Variants in CABIN1 observed in about 807,000 individuals in gnomAD.
The protein encoded by CABIN1 is calcineurin binding protein 1, also known as calcineurin-binding protein cabin-1.
Under a neutral mutation model 227.7 loss-of-function variants are expected in CABIN1, and 133 were observed. The ratio of observed to expected loss-of-function variants is 0.58; its 90% CI spans 0.51 to 0.67. The LOEUF is 0.67. Ranked by LOEUF, CABIN1 falls within the 30% of genes least tolerant of loss-of-function variation. The pLI is 0.00. For synonymous variants in CABIN1, 1,086 were observed against 1,155.1 expected (o/e 0.94, Z 1.21); for missense variants, 2,408 against 2,852.5 (o/e 0.84, Z 3.55).
intron 19 of CABIN1, among the ~76,000 whole-genome samples, chr22:24,078,828 C>G (rs935569081): frequency 2.0e-5 from 3 of 151,338 alleles, no homozygotes; most frequent in Non-Finnish European, 4.4e-5. Context: ...CTTCACTACC[C>G]TACCTCCCTC....
intron 19 of CABIN1, among the ~76,000 whole-genome samples, chr22:24,077,684 G>C (rs1396887734): frequency 6.6e-6 from 1 of 152,100 alleles, no homozygotes; most frequent in East Asian, 1.9e-4. Context: ...CCCTTTTTCT[G>C]CCTTCCCTCT....
chr22:24,134,567 C>A, intron 29 of CABIN1, 152 bp downstream of exon 29: 1 of 688,616 alleles, frequency 1.5e-6, no homozygotes. Flanking sequence ...CGAGAGTGAG[C>A]CAGACTCCGG....
intron 16 of CABIN1, among the ~76,000 whole-genome samples, chr22:24,070,365 G>A (rs1364292653): frequency 6.6e-6 from 1 of 152,240 alleles, no homozygotes; most frequent in East Asian, 1.9e-4. Context: ...CTTGGCTCAG[G>A]CCCTCCTCCG....
At chr22:24,012,230 A>G (rs1449174317) in intron 1 of CABIN1, among the ~76,000 whole-genome samples, 6 of 152,230 alleles carry the variant, frequency 3.9e-5, no homozygotes, top group African/African-American at 1.4e-4. Flanking sequence ...AAGACAATAC[A>G]TAACAGACTA....
chr22:24,087,659 C>T lies in CABIN1; in HGVS notation c.3471C>T (p.Ala1157=), dbSNP rs1602002559. 1 of 1,614,108 alleles carries T rather than the reference C, an allele frequency of 6.2e-7. No homozygotes were observed. The highest frequency in any genetic ancestry group is 1.7e-5 in the Admixed American group (1 of 60,010). ...TGTCCTATGCCTTGCACTCATTCGC[C>T]TCACGTCAATTGAAGCAGTGGAGAG... ...GTMSYALHSF[A]SRQLKQWRGE... The change falls in exon 23 of 37, where the codon GCC becomes GCT. Residue 1157 remains alanine, a synonymous_variant. Transcript: ENST00000263119.
At chr22:24,093,288 C>A (rs2041670550) in intron 24 of CABIN1, among the ~76,000 whole-genome samples, 1 of 152,172 alleles carries the variant, frequency 6.6e-6, no homozygotes, top group African/African-American at 2.4e-5. Context: ...TGGTGGCTCA[C>A]GCCTGTAATC....
In CABIN1 at chr22:24,098,025, G is replaced by A. The variant is rs1243352898; in HGVS notation, c.3950G>A (p.Cys1317Tyr). 1 of 1,614,208 alleles carries A rather than the reference G, an allele frequency of 6.2e-7. No homozygotes were observed. Among genetic ancestry groups the A allele is most frequent in the East Asian group, 2.2e-5 (1 of 44,880 alleles). ...CTCTGTTCCCACAGGGAGAAGGCCT[G>A]CCTGGTGGACGAGGACTCCCACTCT... ...TPKASEKEKA[C>Y]LVDEDSHSSA... Residue 1317 changes from cysteine (C) to tyrosine (Y), a missense_variant, in exon 26 of 37, where the codon TGC (cysteine) becomes TAC (tyrosine). Cys to Tyr is a radical substitution (Grantham distance 194). Coordinates refer to ENST00000263119, the MANE Select transcript of CABIN1 (RefSeq NM_012295.4).
Position 24,108,515 on chromosome 22 carries a change from G to T in CABIN1, c.4118-5051G>T, listed in dbSNP as rs117012840. On this transcript the variant is annotated intron_variant, in intron 26 of 36. Transcript: ENST00000263119. ...TGAGAGAGAGGTTCTGGTCAGGTCTGTGCTCCTCCACTCAGGGGTCTTATA... is the reference window on the plus strand; with the variant it reads ...TGAGAGAGAGGTTCTGGTCAGGTCTTTGCTCCTCCACTCAGGGGTCTTATA... 7.9e-3 allele frequency among the ~76,000 whole-genome samples: 1,204 copies of T among 152,326 alleles called. 6 individuals carry two copies. Among genetic ancestry groups the T allele is most frequent in the South Asian group, 0.014 (69 of 4,826 alleles).
At chr22:24,095,552 G>A (rs2041839701) in intron 24 of CABIN1, among the ~76,000 whole-genome samples, 1 of 152,114 alleles carries the variant, frequency 6.6e-6, no homozygotes, top group South Asian at 2.1e-4. Context: ...GTTCAGTGGG[G>A]AGACAGATGT....
chr22:24,082,991 A>G (rs144243549), intron 19 of CABIN1, among the ~76,000 whole-genome samples: 60 of 152,326 alleles, frequency 3.9e-4, no homozygotes, highest in African/African-American at 1.3e-3. Flanking sequence ...CAGCTTGGTA[A>G]ACCCATCAGG....
At chr22:24,042,854 G>GTGTT in intron 5 of CABIN1, 50 bp from the exon 6 acceptor site, 2 of 967,952 alleles carry the variant, frequency 2.1e-6, no homozygotes, top group Admixed American at 3.5e-5. Flanking sequence ...GTGTGTGTGT[G>GTGTT]TGTGTGTGTG....
intron 35 of CABIN1, among the ~76,000 whole-genome samples, chr22:24,176,538 G>A (rs1393870030): frequency 2.6e-5 from 4 of 152,190 alleles, no homozygotes; most frequent in Admixed American, 6.5e-5. Flanking sequence ...CTGGCATCAC[G>A]GAGGGGTACT....
At chr22:24,119,798 T>A in intron 28 of CABIN1, 100 bp downstream of exon 28, 1 of 1,140,946 alleles carries the variant, frequency 8.8e-7, no homozygotes, top group Non-Finnish European at 1.3e-6. Context: ...AGCTTCACGG[T>A]AGCAGCACAT....
chr22:24,082,932 T>C (rs2040904041), intron 19 of CABIN1, among the ~76,000 whole-genome samples: 1 of 152,202 alleles, frequency 6.6e-6, no homozygotes, highest in South Asian at 2.1e-4. Context: ...GAGGCAAATA[T>C]CTTCTTCTGG....
At chr22:24,167,408 T>C in intron 32 of CABIN1, 95 bp downstream of exon 32, 1 of 1,247,070 alleles carries the variant, frequency 8.0e-7, no homozygotes, top group Non-Finnish European at 1.1e-6. Flanking sequence ...AGGCCTGCCC[T>C]TGGGGCGGGT....
At chr22:24,139,762 G>A (rs948635374) in intron 29 of CABIN1, among the ~76,000 whole-genome samples, 6 of 152,202 alleles carry the variant, frequency 3.9e-5, no homozygotes, top group African/African-American at 1.4e-4. Flanking sequence ...TCTTTGTGCT[G>A]TTGCTGTGTT....
intron 4 of CABIN1, among the ~76,000 whole-genome samples, chr22:24,039,165 T>C (rs560673498): frequency 2.6e-5 from 4 of 152,314 alleles, no homozygotes; most frequent in African/African-American, 9.6e-5. Context: ...TTTTCAAGTT[T>C]TCATGTTTGT....
In CABIN1 at chr22:24,134,397, C is replaced by T. The variant is rs781234693; in HGVS notation, c.4728C>T (p.Asn1576=). The change falls in exon 29 of 37, where the codon AAC becomes AAT. Residue 1576 remains asparagine (N), a synonymous_variant. Transcript: ENST00000263119. ...CACAGGGGCTCTTCTGCGAGAGGAA[C>T]AAGACCAATTTCTTCAACGTGAGTA... ...MPAQGLFCER[N]KTNFFNGIWR... The T allele has an allele frequency of 7.3e-5, 118 of 1,613,684 alleles. No individual in the cohort carries two copies. Among genetic ancestry groups the T allele is most frequent in the Non-Finnish European group, 9.9e-5 (117 of 1,179,690 alleles).
chr22:24,116,577 T>G (rs1332066948), intron 27 of CABIN1, among the ~76,000 whole-genome samples: 1 of 152,248 alleles, frequency 6.6e-6, no homozygotes, highest in Non-Finnish European at 1.5e-5. Flanking sequence ...CTGGGCTCTT[T>G]TCTCAGGCCA....
Sources: allele counts gnomAD v4.1 joint callset (sites outside exome capture counted in the v4.1 genomes callset), GRCh38; gene constraint gnomAD v4.1.1; transcripts MANE v1.5; gene names NCBI Gene and HGNC (gene_info 2026-07-23, HGNC 2026-07-21).